CEMIP: variants seen among roughly 807,000 people sequenced by gnomAD.
CEMIP encodes cell migration inducing hyaluronidase 1, also known as cell migration-inducing and hyaluronan-binding protein.
Under a neutral mutation model 156.9 loss-of-function variants are expected in CEMIP, and 105 were observed. The ratio of observed to expected loss-of-function variants is 0.67; its 90% CI spans 0.57 to 0.79. The LOEUF (loss-of-function observed/expected upper bound fraction) is 0.79, where lower values mean the gene tolerates loss of function less well. CEMIP is among the 30% of genes least tolerant of loss of function. The pLI is 0.00. For synonymous variants in CEMIP, 676 were observed against 668.4 expected, an observed-to-expected ratio of 1.01 and a Z score of -0.17; for missense variants, 1,457 against 1,769.4, an observed-to-expected ratio of 0.82 and a Z score of 3.17.
At chr15:80,855,316 A>G (rs1897825111) in intron 1 of CEMIP, among the ~76,000 whole-genome samples, 1 of 152,300 alleles carries the variant, frequency 6.6e-6, no homozygotes. Context: ...TGTCACCAGC[A>G]TCTTTCAGAT....
intron 10 of CEMIP, among the ~76,000 whole-genome samples, chr15:80,893,056 G>A (rs747887554): frequency 9.2e-5 from 14 of 151,914 alleles, no homozygotes; most frequent in Non-Finnish European, 1.5e-4. Flanking sequence ...GTGTGGTGGC[G>A]GGCACCTGTA....
intron 1 of CEMIP, among the ~76,000 whole-genome samples, chr15:80,819,351 G>A (rs1369725160): frequency 6.6e-6 from 1 of 152,172 alleles, no homozygotes; most frequent in Admixed American, 6.5e-5. Context: ...TCATGGCAGG[G>A]TTGGGTCCTG....
intron 1 of CEMIP, among the ~76,000 whole-genome samples, chr15:80,792,256 G>C (rs1014204534): frequency 1.3e-5 from 2 of 152,156 alleles, no homozygotes; most frequent in African/African-American, 4.8e-5. Context: ...AGTATTCCAG[G>C]AAGGGCCCAG....
chr15:80,836,309 C>A (rs1897269366), intron 1 of CEMIP, among the ~76,000 whole-genome samples: 1 of 152,150 alleles, frequency 6.6e-6, no homozygotes, highest in African/African-American at 2.4e-5. Context: ...TATTAATGGG[C>A]TGAGGAGGAC....
rs774477112 is a variant in CEMIP, at chr15:80,929,148, T to G, written c.2586T>G (p.His862Gln). 1 of 1,614,112 alleles carries G rather than the reference T, an allele frequency of 6.2e-7. No homozygotes were observed. Among genetic ancestry groups the G allele is most frequent in the East Asian group, 2.2e-5 (1 of 44,850 alleles). Residue 862 changes from histidine (H) to glutamine (Q), a missense_variant, in exon 21 of 30, where the codon CAT (histidine) becomes CAG (glutamine). His to Gln is a conservative substitution (Grantham distance 24). This residue lies in a region of CEMIP where 798 missense variants were observed against 980.1 expected (regional missense o/e 0.81). Transcript: ENST00000394685. ...TCTGGGGCCCTGGCGGCTTGGACCATAGCGGAAGGACCCTCCCTATAGGCC... is the reference window on the plus strand; with the variant it reads ...TCTGGGGCCCTGGCGGCTTGGACCAGAGCGGAAGGACCCTCCCTATAGGCC... ...NRIWGPGGLD[H>Q]SGRTLPIGQN... is the part of the protein sequence containing the mutation.
At chr15:80,872,641 G>A (rs1430873781) in intron 1 of CEMIP, among the ~76,000 whole-genome samples, 1 of 152,038 alleles carries the variant, frequency 6.6e-6, no homozygotes, top group Non-Finnish European at 1.5e-5. Context: ...ATGGTGAAAT[G>A]CTGTCCCTAC....
At chr15:80,908,228 C>G (rs965248679) in intron 13 of CEMIP, among the ~76,000 whole-genome samples, 1 of 152,074 alleles carries the variant, frequency 6.6e-6, no homozygotes, top group Non-Finnish European at 1.5e-5. Context: ...TGCTATAGCC[C>G]CCTTTTCAAT....
chr15:80,849,391 AGCAG>A (rs1897653331), intron 1 of CEMIP, among the ~76,000 whole-genome samples: 1 of 152,306 alleles, frequency 6.6e-6, no homozygotes, highest in Admixed American at 6.5e-5. Context: ...TTTCCAATTC[AGCAG>A]GAACTTCCAG....
At chr15:80,810,648 C>A (rs140682190) in intron 1 of CEMIP, among the ~76,000 whole-genome samples, 86 of 152,344 alleles carry the variant, frequency 5.6e-4, no homozygotes, top group African/African-American at 2.0e-3. Context: ...AGCCACCATG[C>A]CCGGCCTACC....
intron 1 of CEMIP, among the ~76,000 whole-genome samples, chr15:80,852,895 C>T (rs757975195): frequency 2.0e-5 from 3 of 152,140 alleles, no homozygotes; most frequent in African/African-American, 4.8e-5. Flanking sequence ...TCCCAATAGG[C>T]GCCTGAATAG....
chr15:80,785,629 T>A (rs572341173), intron 1 of CEMIP, among the ~76,000 whole-genome samples: 17 of 152,172 alleles, frequency 1.1e-4, no homozygotes, highest in Non-Finnish European at 2.2e-4. Flanking sequence ...TAGGACAGAT[T>A]AGTCAAGAGG....
chr15:80,888,806 T>G lies in CEMIP; in HGVS notation c.964+10T>G, dbSNP rs1898939327. ...AGTGAGTGGGTTCAAGGTGAGGAGT[T>G]TCAGACAATTTGGTGACACCTAACA... On this transcript the variant is annotated intron_variant, in intron 9 of 29. Coordinates refer to ENST00000394685, the MANE Select transcript of CEMIP (RefSeq NM_001293298.2). The G allele has an allele frequency of 6.2e-7, 1 of 1,608,882 alleles. No homozygotes were observed. The highest frequency in any genetic ancestry group is 8.5e-7 in the Non-Finnish European group (1 of 1,175,324).
chr15:80,830,989 C>G (rs1897144476), intron 1 of CEMIP, among the ~76,000 whole-genome samples: 1 of 152,198 alleles, frequency 6.6e-6, no homozygotes, highest in Non-Finnish European at 1.5e-5. Flanking sequence ...CTGGGTCCAG[C>G]ACTGACCCCC....
chr15:80,879,767 A>G lies in CEMIP; in HGVS notation c.293A>G (p.His98Arg), dbSNP rs763710830. Residue 98 changes from histidine (H) to arginine (R), a missense_variant, in exon 5 of 30, where the codon CAC (histidine) becomes CGC (arginine). His to Arg is a conservative substitution (Grantham distance 29, BLOSUM62 0). Coordinates refer to ENST00000394685, the MANE Select transcript of CEMIP (RefSeq NM_001293298.2). ...GAGCCGATTGTTTTGCGAACCCGGC[A>G]CATCCTGATTGACAACGGAGGAGAG... The part of the protein sequence containing the change: ...HDEPIVLRTR[H>R]ILIDNGGELH... 1.2e-6 allele frequency: 2 copies of G among 1,614,108 alleles called. No individual in the cohort carries two copies. The highest frequency in any genetic ancestry group is 2.7e-5 in the African/African-American group (2 of 74,924).
intron 25 of CEMIP, among the ~76,000 whole-genome samples, chr15:80,938,739 A>G (rs1371418124): frequency 2.0e-5 from 3 of 152,304 alleles, no homozygotes; most frequent in East Asian, 1.9e-4. Context: ...GTTCTATTCA[A>G]TAGAGATATA....
rs142341112 is a variant in CEMIP at position 80,853,436 on chromosome 15, T to C, written c.-175-20102T>C. Reference sequence around the variant, plus strand: ...TGTTTCGTCTGGGAGTCAGAAATCTTGCTGAACAAGCGTGACTCTAGGAGG... The same window carrying C: ...TGTTTCGTCTGGGAGTCAGAAATCTCGCTGAACAAGCGTGACTCTAGGAGG... On this transcript the variant is annotated intron_variant, in intron 1 of 29. Coordinates refer to ENST00000394685, the MANE Select transcript of CEMIP (RefSeq NM_001293298.2). Among the ~76,000 whole-genome samples the C allele has an allele frequency of 1.6e-3, 244 of 152,282 alleles. 1 individual carries two copies. Among genetic ancestry groups the C allele is most frequent in the African/African-American group, 5.4e-3 (223 of 41,544 alleles).
intron 1 of CEMIP, among the ~76,000 whole-genome samples, chr15:80,860,254 A>C (rs1897953495): frequency 1.3e-5 from 2 of 152,256 alleles, no homozygotes; most frequent in Non-Finnish European, 2.9e-5. Flanking sequence ...CTCCAATAGC[A>C]GCTAACATTT....
intron 12 of CEMIP, 137 bp downstream of exon 12, chr15:80,896,197 C>G: frequency 1.1e-6 from 1 of 878,648 alleles, no homozygotes; most frequent in Non-Finnish European, 1.9e-6. Flanking sequence ...AATCTTAAAA[C>G]TTCATGACAG....
chr15:80,872,930 C>T (rs577204100), intron 1 of CEMIP, among the ~76,000 whole-genome samples: 1 of 152,354 alleles, frequency 6.6e-6, no homozygotes, highest in African/African-American at 2.4e-5. Context: ...TTTCTCTCTG[C>T]TTGCATTGGC....
Sources: gnomAD v4.1 joint callset for allele counts (sites outside exome capture counted in the v4.1 genomes callset) on GRCh38, gnomAD v4.1.1 for gene constraint, gnomAD v4.1.1 regional missense constraint, MANE v1.5 for transcripts, NCBI Gene and HGNC (gene_info 2026-07-23, HGNC 2026-07-21) for gene names.